The following JCAD variants were observed in gnomAD, a reference collection of about 807,000 sequenced individuals.
JCAD encodes junctional cadherin 5 associated, also known as junctional cadherin 5-associated protein.
In JCAD, 40 loss-of-function variants were observed where a neutral mutation model predicts 98.0. That is an observed-to-expected ratio of 0.41 (90% CI 0.32 to 0.53). The LOEUF is 0.53. Ranked by LOEUF, JCAD falls within the 20% of genes least tolerant of loss-of-function variation. The pLI is 0.31. For missense variants in JCAD, 1,705 were observed against 1,738.1 expected, an observed-to-expected ratio of 0.98 and a Z score of 0.34; for synonymous variants, 691 against 682.3, an observed-to-expected ratio of 1.01 and a Z score of -0.20.
chr10:30,059,731 A>G (rs1837666568), upstream of JCAD, among the ~76,000 whole-genome samples: 1 of 149,166 alleles, frequency 6.7e-6, no homozygotes. The surrounding 1 kb of genome is among the most constrained non-coding windows in gnomAD (Gnocchi z 5.0). Context: ...AGAAGGCACA[A>G]GTGAGCTGAC....
chr10:30,094,259 T>C (rs527929780), intron 1 of JCAD, among the ~76,000 whole-genome samples: 1 of 150,232 alleles, frequency 6.7e-6, no homozygotes, highest in South Asian at 2.1e-4. Flanking sequence ...CTGGCCAAAA[T>C]GGTAAAACCC....
intron 1 of JCAD, among the ~76,000 whole-genome samples, chr10:30,053,981 G>A (rs987823209): frequency 6.6e-6 from 1 of 152,138 alleles, no homozygotes; most frequent in Non-Finnish European, 1.5e-5. Flanking sequence ...AGAATGGCTT[G>A]AACTTGGGAG....
At chr10:30,107,020 ATTCT>A (rs1199777676) in intron 1 of JCAD, among the ~76,000 whole-genome samples, 3 of 152,096 alleles carry the variant, frequency 2.0e-5, no homozygotes, top group Non-Finnish European at 4.4e-5. Flanking sequence ...GGCAGTCCTG[ATTCT>A]TTATTAACAC....
At chr10:30,108,045 G>T (rs1245464582) in intron 1 of JCAD, among the ~76,000 whole-genome samples, 2 of 152,094 alleles carry the variant, frequency 1.3e-5, no homozygotes, top group Non-Finnish European at 2.9e-5. Flanking sequence ...GGGTGCGGTG[G>T]CTCACTCCTG....
chr10:30,027,947 G>C lies in JCAD; in HGVS notation c.2201C>G (p.Thr734Arg), dbSNP rs902140836. 2.5e-6 allele frequency: 4 copies of C among 1,614,136 alleles called. No individual in the cohort carries two copies. Among genetic ancestry groups the C allele is most frequent in the Non-Finnish European group, 3.4e-6 (4 of 1,180,050 alleles). The stretch of plus-strand genomic sequence containing the variant: ...TTTGTGATCACCGGTAGGGAATGCT[G>C]TGTGCGTCTGAGCTTCGGAGGCAGC... ...DPAASEAQTH[T>R]AFPTGDHKQR... Residue 734 changes from threonine to arginine, a missense_variant, in exon 3 of 4, where the codon ACA becomes AGA. Around this residue, in one of 3 missense-constraint regions of JCAD, gnomAD observed 1,278 missense variants for 1,243.1 expected, o/e 1.03. Coordinates refer to ENST00000375377, the MANE Select transcript of JCAD (RefSeq NM_020848.4).
rs769233810 is a variant in JCAD, at chr10:30,028,761, G to C, written c.1387C>G (p.Pro463Ala). The C allele has an allele frequency of 3.1e-6, 5 of 1,614,252 alleles. No homozygotes were observed. Among genetic ancestry groups the C allele is most frequent in the South Asian group, 1.1e-5 (1 of 91,086 alleles). Reference protein sequence around the residue: ...YNSSPVTAQEPAHGGMQPDGA... With the variant: ...YNSSPVTAQEAAHGGMQPDGA... ...TCAGGCTGCATTCCTCCATGAGCCG[G>C]CTCTTGAGCAGTGACAGGACTGGAG... The change falls in exon 3 of 4, where the codon CCG (proline) becomes GCG (alanine). Residue 463 changes from proline to alanine, a missense_variant. By Grantham distance (27) the Pro-to-Ala change is conservative (BLOSUM62 -1). Coordinates refer to ENST00000375377, the MANE Select transcript of JCAD (RefSeq NM_020848.4).
At chr10:30,110,458 A>G (rs1206042351) in intron 1 of JCAD, among the ~76,000 whole-genome samples, 1 of 151,060 alleles carries the variant, frequency 6.6e-6, no homozygotes, top group African/African-American at 2.4e-5. Context: ...TGATGTATGG[A>G]CCAGCTGATG....
At position 30,027,202 on chromosome 10, in the gene JCAD, TG is replaced by T; in HGVS notation, c.2945del (p.Ser982Ter). 6.2e-7 allele frequency: 1 copy of T among 1,614,186 alleles called. No homozygotes were observed. The highest frequency in any genetic ancestry group is 8.5e-7 in the Non-Finnish European group (1 of 1,180,022). ...PFPVTRMSSR[S>X]SDAKPLPASY... ...ACGCGGGCAGTGGTTTTGCGTCACTTGATCTTGAAGACATTCTCGTCACAGG... is the reference window on the plus strand; with the variant it reads ...ACGCGGGCAGTGGTTTTGCGTCACTTATCTTGAAGACATTCTCGTCACAGG... On this transcript the variant is annotated frameshift_variant, in exon 3 of 4. Transcript: ENST00000375377. LOFTEE classifies it high-confidence loss of function.
upstream of JCAD, among the ~76,000 whole-genome samples, chr10:30,062,019 AG>A: frequency 1.3e-5 from 2 of 152,298 alleles, no homozygotes; most frequent in African/African-American, 2.4e-5. Flanking sequence ...TTGGGTTTCT[AG>A]GTCAACCCCA....
chr10:30,097,818 C>T (rs1001875806), intron 1 of JCAD, among the ~76,000 whole-genome samples: 8 of 151,944 alleles, frequency 5.3e-5, no homozygotes, highest in African/African-American at 1.9e-4. Flanking sequence ...AATGGCAGCA[C>T]CCTCCAGAAA....
chr10:30,113,744 C>T (rs753795176), intron 1 of JCAD, among the ~76,000 whole-genome samples: 2 of 152,040 alleles, frequency 1.3e-5, no homozygotes, highest in Non-Finnish European at 2.9e-5. Flanking sequence ...TGCACTGTTG[C>T]ACTGTCTCCC....
chr10:30,113,018 A>G (rs1159946120), intron 1 of JCAD, among the ~76,000 whole-genome samples: 8 of 152,126 alleles, frequency 5.3e-5, no homozygotes, highest in Admixed American at 3.9e-4. Context: ...AGACAGTGGC[A>G]ATGGTTGCAT....
At position 30,028,145 on chromosome 10, in the gene JCAD, T is replaced by C. The variant is rs1836879151; in HGVS notation, c.2003A>G (p.His668Arg). 1 of 1,614,054 alleles carries C rather than the reference T, an allele frequency of 6.2e-7. No individual in the cohort carries two copies. Among genetic ancestry groups the C allele is most frequent in the African/African-American group, 1.3e-5 (1 of 74,910 alleles). ...CTTGAGTTCTCTGTGCTTTGTAAGG[T>C]GGATGAAACTGAGGTCATTTGTTTG... ...DRQTNDLSFI[H>R]LTKHRELKHS... is the part of the protein sequence containing the mutation. Residue 668 changes from histidine to arginine, a missense_variant, in exon 3 of 4, where the codon CAC becomes CGC. Transcript: ENST00000375377.
Position 30,013,372 on chromosome 10 carries a change from C to A in JCAD, c.*4511G>T, listed in dbSNP as rs913323027. 2.6e-5 allele frequency: 4 copies of A among 151,986 alleles called. No homozygotes were observed. Among genetic ancestry groups the A allele is most frequent in the African/African-American group, 9.7e-5 (4 of 41,356 alleles). The allele number at this position is 151,986 out of a possible 1,614,324, so 9.4% of individuals were successfully genotyped here. A position where few individuals can be genotyped will look rare whatever the true frequency, so the allele number is the denominator to read the frequency against. ...CTTGTCTTCACTAAATTTTAGAAGT[C>A]CCCCCGAGATGTTTCTGCTTAACTT... On this transcript the variant is annotated 3_prime_UTR_variant, in exon 4 of 4. Transcript: ENST00000375377.
rs1836449132 is a variant in JCAD at position 30,012,925 on chromosome 10, T to C, written c.*4958A>G. ...AGAGCTTCTTGAAGACATTCATCTG[T>C]GCTTTGCCGGCATTTTATCTGCTAC... On this transcript the variant is annotated 3_prime_UTR_variant, in exon 4 of 4. Coordinates refer to ENST00000375377, the MANE Select transcript of JCAD (RefSeq NM_020848.4). 1 of 152,428 alleles carries C rather than the reference T, an allele frequency of 6.6e-6. No homozygotes were observed. The highest frequency in any genetic ancestry group is 1.5e-5 in the Non-Finnish European group (1 of 68,174). The allele number at this position is 152,428 out of a possible 1,614,324, so 9.4% of individuals were successfully genotyped here. A position where few individuals can be genotyped will look rare whatever the true frequency, so the allele number is the denominator to read the frequency against.
At chr10:30,074,502 G>GA (rs1837947606) in intron 1 of JCAD, among the ~76,000 whole-genome samples, 1 of 152,188 alleles carries the variant, frequency 6.6e-6, no homozygotes, top group Non-Finnish European at 1.5e-5. Context: ...ACACAATGAC[G>GA]ACTTCCAGGC....
chr10:30,106,294 G>A (rs1838579392), intron 1 of JCAD, among the ~76,000 whole-genome samples: 1 of 152,090 alleles, frequency 6.6e-6, no homozygotes, highest in African/African-American at 2.4e-5. Flanking sequence ...AACTGGGCAT[G>A]ATGGTGTGTG....
At chr10:30,058,447 C>T (rs1383290826) in intron 1 of JCAD, among the ~76,000 whole-genome samples, 2 of 152,154 alleles carry the variant, frequency 1.3e-5, no homozygotes, top group African/African-American at 4.8e-5. Context: ...ACTCCTTAAG[C>T]GCGTGGATGA....
At chr10:30,041,302 G>C (rs536389990) in intron 2 of JCAD, among the ~76,000 whole-genome samples, 1 of 152,292 alleles carries the variant, frequency 6.6e-6, no homozygotes, top group South Asian at 2.1e-4. Context: ...GAGAGGCTTT[G>C]CCTCGTAACA....
Sources: allele counts gnomAD v4.1 joint callset (sites outside exome capture counted in the v4.1 genomes callset), GRCh38; gene constraint gnomAD v4.1.1; regional missense constraint gnomAD v4.1.1; non-coding constraint Gnocchi (gnomAD v3.1); transcripts MANE v1.5; gene names NCBI Gene and HGNC (gene_info 2026-07-23, HGNC 2026-07-21).